CADPS: variants seen among roughly 807,000 people sequenced by gnomAD.
CADPS encodes the protein calcium dependent secretion activator.
CADPS carries 57 observed loss-of-function variants against 167.3 expected under a neutral mutation model. The ratio of observed to expected loss-of-function variants is 0.34; its 90% CI spans 0.28 to 0.42. The LOEUF is 0.42. CADPS is among the 20% of genes least tolerant of loss of function. CADPS has a pLI of 1.00. For missense variants in CADPS, 1,414 were observed against 1,738.1 expected (o/e 0.81, Z 3.32); for synonymous variants, 676 against 635.3 (o/e 1.06, Z -0.96).
At chr3:62,524,852 G>A (rs950230540) in intron 13 of CADPS, among the ~76,000 whole-genome samples, 1 of 152,084 alleles carries the variant, frequency 6.6e-6, no homozygotes, top group Non-Finnish European at 1.5e-5. Flanking sequence ...CCCCCAAGAG[G>A]ACCAATTTTA....
chr3:62,726,949 G>A (rs1394946830), intron 3 of CADPS, among the ~76,000 whole-genome samples: 1 of 151,850 alleles, frequency 6.6e-6, no homozygotes, highest in Non-Finnish European at 1.5e-5. Context: ...ATTGCTTTAA[G>A]ATCACACGGG....
At chr3:62,485,899 A>G (rs1007619213) in intron 21 of CADPS, among the ~76,000 whole-genome samples, 1 of 152,106 alleles carries the variant, frequency 6.6e-6, no homozygotes, top group South Asian at 2.1e-4. Flanking sequence ...AGGGAGGTGA[A>G]CTGAGGGAGG....
intron 6 of CADPS, among the ~76,000 whole-genome samples, chr3:62,622,009 T>A (rs529707656): frequency 6.6e-6 from 1 of 152,000 alleles, no homozygotes; most frequent in South Asian, 2.1e-4. Context: ...CCCATCCTCC[T>A]ACAAGTTTCA....
chr3:62,676,271 G>A (rs1467227636), intron 3 of CADPS, among the ~76,000 whole-genome samples: 1 of 151,992 alleles, frequency 6.6e-6, no homozygotes, highest in Non-Finnish European at 1.5e-5. Flanking sequence ...ATGATTTTCA[G>A]GTTAATATCT....
chr3:62,428,958 G>T (rs985921081), intron 28 of CADPS, among the ~76,000 whole-genome samples: 1 of 152,210 alleles, frequency 6.6e-6, no homozygotes, highest in African/African-American at 2.4e-5. Flanking sequence ...AATGTCAGTG[G>T]TGCCAAAGAC....
intron 28 of CADPS, among the ~76,000 whole-genome samples, chr3:62,422,234 G>A (rs2051576661): frequency 6.6e-6 from 1 of 152,170 alleles, no homozygotes; most frequent in South Asian, 2.1e-4. Flanking sequence ...CCACAGGCAA[G>A]AGTGAGCTTC....
intron 1 of CADPS, among the ~76,000 whole-genome samples, chr3:62,770,915 A>G (rs2088530490): frequency 6.6e-6 from 1 of 152,194 alleles, no homozygotes; most frequent in Admixed American, 6.5e-5. Context: ...TGTCAATACG[A>G]TCATACATGA....
intron 6 of CADPS, among the ~76,000 whole-genome samples, chr3:62,605,335 A>G (rs2060557068): frequency 1.3e-5 from 2 of 152,158 alleles, no homozygotes; most frequent in Non-Finnish European, 2.9e-5. Context: ...CCCCTCATTT[A>G]TAAATGAAGA....
At chr3:62,599,825 T>A (rs1172619616) in intron 6 of CADPS, among the ~76,000 whole-genome samples, 3 of 3,266 alleles carry the variant, frequency 9.2e-4, no homozygotes, top group African/African-American at 1.2e-3. Flanking sequence ...TATTATATAT[T>A]ATATATATAA....
At chr3:62,485,425 C>T (rs1015099786) in intron 21 of CADPS, among the ~76,000 whole-genome samples, 22 of 151,998 alleles carry the variant, frequency 1.4e-4, no homozygotes, top group South Asian at 1.0e-3. Flanking sequence ...TCTCAAGCTA[C>T]GTTTTTCATG....
chr3:62,830,310 A>G (rs1337135970), intron 1 of CADPS, among the ~76,000 whole-genome samples: 1 of 151,974 alleles, frequency 6.6e-6, no homozygotes, highest in East Asian at 1.9e-4. Context: ...GGGTTTTGAC[A>G]TTTTTACAAA....
At chr3:62,539,816 G>A in intron 11 of CADPS, among the ~76,000 whole-genome samples, 1 of 152,108 alleles carries the variant, frequency 6.6e-6, no homozygotes, top group East Asian at 1.9e-4. Flanking sequence ...CTTATTTAAT[G>A]GGAGCTAGCA....
At chr3:62,862,861 T>G (rs1326334128) in intron 1 of CADPS, among the ~76,000 whole-genome samples, 1 of 152,236 alleles carries the variant, frequency 6.6e-6, no homozygotes, top group Non-Finnish European at 1.5e-5. Context: ...TGGCCCAGGT[T>G]GGTGCTCTGT....
chr3:62,812,584 A>G (rs1194405543), intron 1 of CADPS, among the ~76,000 whole-genome samples: 1 of 152,240 alleles, frequency 6.6e-6, no homozygotes, highest in Admixed American at 6.5e-5. Context: ...GGCAGCAAAG[A>G]AAACAACTGG....
rs781177687 is a variant in CADPS at position 62,499,257 on chromosome 3, G to A, written c.2611C>T (p.Arg871Trp). 35 of 1,610,188 alleles carry A rather than the reference G, an allele frequency of 2.2e-5. No homozygotes were observed. Among genetic ancestry groups the A allele is most frequent in the East Asian group, 4.5e-5 (2 of 44,850 alleles). Residue 871 changes from arginine (R) to tryptophan (W), a missense_variant, in exon 18 of 30, where the codon CGG becomes TGG. By Grantham distance (101) the Arg-to-Trp change is moderately radical (BLOSUM62 -3). Transcript: ENST00000383710. ...AGCTTTTTGGCAGGAGTGATTAACC[G>A]GCCTACATTTTCTGTAGTACAAGAG... is the stretch of plus-strand genomic sequence containing the variant. Reference protein sequence around the residue: ...ENQKDAENVGRLITPAKKLED... With the variant: ...ENQKDAENVGWLITPAKKLED...
intron 1 of CADPS, among the ~76,000 whole-genome samples, chr3:62,845,724 T>G (rs1225659142): frequency 6.6e-6 from 1 of 152,200 alleles, no homozygotes; most frequent in Non-Finnish European, 1.5e-5. Flanking sequence ...ATCTATCTCT[T>G]CCTGTGATAT....
At chr3:62,467,733 A>C (rs574628007) in intron 24 of CADPS, among the ~76,000 whole-genome samples, 1 of 152,278 alleles carries the variant, frequency 6.6e-6, no homozygotes, top group African/African-American at 2.4e-5. Context: ...ACGGGAACAA[A>C]GCCAACCCTG....
At chr3:62,872,406 T>C (rs569179772) in intron 1 of CADPS, among the ~76,000 whole-genome samples, 1 of 152,284 alleles carries the variant, frequency 6.6e-6, no homozygotes, top group South Asian at 2.1e-4. Context: ...TAAGGAGATA[T>C]ATATATATAT....
chr3:62,431,436 C>A lies in CADPS; in HGVS notation c.3777+6668G>T, dbSNP rs2053932535. ...TTTTAAACTAGCTTCAGAAGTTTTCCTTACATACAGAGAACAGCTTAAATA... is the reference window on the plus strand; with the variant it reads ...TTTTAAACTAGCTTCAGAAGTTTTCATTACATACAGAGAACAGCTTAAATA... On this transcript the variant is annotated intron_variant, in intron 28 of 29. Coordinates refer to ENST00000383710, the MANE Select transcript of CADPS (RefSeq NM_003716.4). 2.0e-5 allele frequency among the ~76,000 whole-genome samples: 3 copies of A among 151,824 alleles called. No homozygotes were observed. The South Asian group carries it at 6.2e-4, about 32-fold the overall frequency.
Sources: gnomAD v4.1 joint callset for allele counts (sites outside exome capture counted in the v4.1 genomes callset) on GRCh38, gnomAD v4.1.1 for gene constraint, MANE v1.5 for transcripts, NCBI Gene and HGNC (gene_info 2026-07-23, HGNC 2026-07-21) for gene names.